Variants in ASPH observed in about 807,000 individuals in gnomAD.
ASPH encodes aspartate beta-hydroxylase.
ASPH carries 100 observed loss-of-function variants against 118.4 expected under a neutral mutation model. That is an observed-to-expected ratio of 0.84 (90% CI 0.72 to 1.00). The LOEUF (loss-of-function observed/expected upper bound fraction) is 1.00, where lower values mean the gene tolerates loss of function less well. Among genes scored for constraint, ASPH ranks in the 50% least tolerant of loss-of-function variants. The pLI is 0.00. For synonymous variants in ASPH, 315 were observed against 325.6 expected, an observed-to-expected ratio of 0.97 and a Z score of 0.35; for missense variants, 920 against 919.5, an observed-to-expected ratio of 1.00 and a Z score of -0.01.
intron 21 of ASPH, among the ~76,000 whole-genome samples, chr8:61,539,699 G>GGTGTGTGTGTGTGTGTTTGTGTGTGTGT (rs1821066126): frequency 8.1e-6 from 1 of 124,214 alleles, no homozygotes; most frequent in Non-Finnish European, 1.7e-5. Context: ...ACACTTCTGG[G>GGTGTGTGTGTGTGTGTTTGTGTGTGTGT]GTGTGTGTGT....
intron 24 of ASPH, among the ~76,000 whole-genome samples, chr8:61,514,309 T>C (rs944612771): frequency 6.6e-6 from 1 of 151,692 alleles, no homozygotes; most frequent in Non-Finnish European, 1.5e-5. Flanking sequence ...TATGCCTAAG[T>C]AGATTTTTTT....
chr8:61,675,941 C>T, intron 3 of ASPH: 3 of 1,502,800 alleles, frequency 2.0e-6, no homozygotes, highest in Non-Finnish European at 2.6e-6. Flanking sequence ...TGGGCAAGAT[C>T]ACATGGTTGA....
At chr8:61,540,928 A>G (rs1186342873) in intron 21 of ASPH, among the ~76,000 whole-genome samples, 1 of 151,974 alleles carries the variant, frequency 6.6e-6, no homozygotes, top group Non-Finnish European at 1.5e-5. Context: ...CGCCATCTTT[A>G]TAATTTTAAA....
In ASPH at chr8:61,611,373, G is replaced by A. The variant is rs541054805; in HGVS notation, c.976+7605C>T. 2.0e-5 allele frequency among the ~76,000 whole-genome samples: 3 copies of A among 152,274 alleles called. No individual in the cohort carries two copies. The South Asian group carries it at 6.2e-4, about 32-fold the overall frequency. ...CATTTTTTATGAGTTAGCCTTGGAAGTCACACTCTGTCATTTCTGCAATAT... is the reference window on the plus strand; with the variant it reads ...CATTTTTTATGAGTTAGCCTTGGAAATCACACTCTGTCATTTCTGCAATAT... On this transcript the variant is annotated intron_variant, in intron 14 of 24. Transcript: ENST00000379454.
chr8:61,654,273 G>T (rs6471969), intron 3 of ASPH, among the ~76,000 whole-genome samples: 27,971 of 152,106 alleles, frequency 0.18, 2,713 homozygotes, highest in South Asian at 0.35. Context: ...ACATGAAACT[G>T]ATTTTAAAGT....
chr8:61,668,304 T>C, intron 3 of ASPH: 1 of 1,573,214 alleles, frequency 6.4e-7, no homozygotes, highest in Non-Finnish European at 8.7e-7. Flanking sequence ...TGAAAATAGG[T>C]TATAAACAGA....
At chr8:61,539,904 C>CA (rs1269073743) in intron 21 of ASPH, among the ~76,000 whole-genome samples, 7 of 152,072 alleles carry the variant, frequency 4.6e-5, no homozygotes, top group African/African-American at 1.7e-4. Flanking sequence ...AAGGGAAGAG[C>CA]AAAACTCTTA....
At chr8:61,703,081 T>C (rs1467722681) in intron 1 of ASPH, among the ~76,000 whole-genome samples, 2 of 152,168 alleles carry the variant, frequency 1.3e-5, no homozygotes, top group African/African-American at 2.4e-5. Context: ...ATCAACCAAG[T>C]GGGACTTTGA....
rs1045159698 is a variant in ASPH, at chr8:61,661,604, C to T, written c.323-7944G>A. 2.0e-5 allele frequency: 4 copies of T among 199,636 alleles called. No homozygotes were observed. In the East Asian group the frequency reaches 4.3e-4, roughly 22 times the overall value. 12.4% of individuals were successfully genotyped at this position (199,636 alleles called of 1,614,324 possible). A position where few individuals can be genotyped will look rare whatever the true frequency, so the allele number is the denominator to read the frequency against. On this transcript the variant is annotated intron_variant, in intron 3 of 24. Coordinates refer to ENST00000379454, the MANE Select transcript of ASPH (RefSeq NM_004318.4). Reference sequence around the variant, plus strand: ...GAGATAGAGCCTAAGTCACCAGATCCATTTCATGGACAGTAACATGACAGT... The same window carrying T: ...GAGATAGAGCCTAAGTCACCAGATCTATTTCATGGACAGTAACATGACAGT...
At chr8:61,640,035 A>G (rs1479688820) in intron 10 of ASPH, among the ~76,000 whole-genome samples, 1 of 152,076 alleles carries the variant, frequency 6.6e-6, no homozygotes, top group Non-Finnish European at 1.5e-5. Flanking sequence ...TTAAACTATC[A>G]TATCTGTCCT....
chr8:61,578,768 CA>C, intron 15 of ASPH: 1 of 1,587,634 alleles, frequency 6.3e-7, no homozygotes, highest in Non-Finnish European at 8.6e-7. Context: ...AGGATGAGAT[CA>C]ATAAGCATAC....
chr8:61,644,450 C>T (rs1806824985), intron 7 of ASPH, 150 bp downstream of exon 7: 3 of 585,456 alleles, frequency 5.1e-6, no homozygotes, highest in Non-Finnish European at 7.8e-6. Context: ...AAAGAAATAC[C>T]ATAAATATAA....
chr8:61,532,169 C>T (rs1050039966), intron 21 of ASPH, among the ~76,000 whole-genome samples: 51 of 152,088 alleles, frequency 3.4e-4, no homozygotes, highest in African/African-American at 1.2e-3. Flanking sequence ...ACATGTGTTC[C>T]CTTTTCTTTG....
Position 61,578,612 on chromosome 8 carries a change from G to A in ASPH, c.1063-1754C>T, listed in dbSNP as rs1258588214. Reference sequence around the variant, plus strand: ...GGAGCCTCCTGCAGCAGCAGAAGATGGCTCGGAGCAACATGGACAACATGT... The same window carrying A: ...GGAGCCTCCTGCAGCAGCAGAAGATAGCTCGGAGCAACATGGACAACATGT... On this transcript the variant is annotated intron_variant, in intron 15 of 24. Transcript: ENST00000379454. 28 of 1,538,062 alleles carry A rather than the reference G, an allele frequency of 1.8e-5. No homozygotes were observed. The African/African-American group carries it at 2.3e-4, about 13-fold the overall frequency.
Position 61,503,506 on chromosome 8 carries a change from G to C in ASPH, c.2130C>G (p.Thr710=), listed in dbSNP as rs895829584. The C allele has an allele frequency of 5.1e-5, 82 of 1,610,126 alleles. 2 individuals carry two copies. Among genetic ancestry groups the C allele is most frequent in the Middle Eastern group, 3.3e-4 (2 of 6,044 alleles). Residue 710 remains threonine (T), a synonymous_variant, in exon 25 of 25, where the codon ACC becomes ACG. Coordinates refer to ENST00000379454, the MANE Select transcript of ASPH (RefSeq NM_004318.4). ...AGATGAGCACCTTGCCTTCCTCCCA[G>C]GTCCTGCAGCAGAAAGACAAGGATT... ...CKIRCANETK[T]WEEGKVLIFD...
intron 1 of ASPH, among the ~76,000 whole-genome samples, chr8:61,702,948 G>C (rs1040089958): frequency 6.6e-6 from 1 of 152,050 alleles, no homozygotes; most frequent in Non-Finnish European, 1.5e-5. Flanking sequence ...CAGGGGGAGA[G>C]GATAGGAGAG....
intron 3 of ASPH, among the ~76,000 whole-genome samples, chr8:61,670,123 AC>A: frequency 6.6e-6 from 1 of 152,148 alleles, no homozygotes; most frequent in South Asian, 2.1e-4. Context: ...AACAATTATT[AC>A]ATTCAGTTTC....
chr8:61,593,386 C>T (rs1841728225), intron 14 of ASPH, among the ~76,000 whole-genome samples: 1 of 152,180 alleles, frequency 6.6e-6, no homozygotes, highest in Non-Finnish European at 1.5e-5. Context: ...TTTCTTGCCT[C>T]CTACAGCTAA....
chr8:61,579,945 G>A (rs540595615), intron 15 of ASPH, among the ~76,000 whole-genome samples: 139 of 137,716 alleles, frequency 1.0e-3, no homozygotes, highest in East Asian at 8.4e-3. Context: ...GGAGAAATTC[G>A]CCAAAACAAA....
Sources: gnomAD v4.1 joint callset for allele counts (sites outside exome capture counted in the v4.1 genomes callset) on GRCh38, gnomAD v4.1.1 for gene constraint, MANE v1.5 for transcripts, NCBI Gene and HGNC (gene_info 2026-07-23, HGNC 2026-07-21) for gene names.